The following ZMYM6 variants were observed in gnomAD, a reference collection of about 807,000 sequenced individuals.
The protein encoded by ZMYM6 is zinc finger MYM-type protein 6.
Under a neutral mutation model 134.0 loss-of-function variants are expected in ZMYM6, and 90 were observed. The observed-to-expected ratio is 0.67, with a 90% CI of 0.57 to 0.80. ZMYM6 has a LOEUF of 0.80. Ranked by LOEUF, ZMYM6 falls within the 30% of genes least tolerant of loss-of-function variation. ZMYM6 has a pLI of 0.00. For synonymous variants in ZMYM6, 481 were observed against 524.1 expected, an observed-to-expected ratio of 0.92 and a Z score of 1.12; for missense variants, 1,362 against 1,533.9, an observed-to-expected ratio of 0.89 and a Z score of 1.87.
At chr1:35,010,684 G>C in intron 9 of ZMYM6, 74 bp downstream of exon 9, 1 of 1,540,296 alleles carries the variant, frequency 6.5e-7, no homozygotes, top group Non-Finnish European at 8.7e-7. Flanking sequence ...CAAATTGAGT[G>C]ATCAAAATTG....
intron 14 of ZMYM6, 174 bp downstream of exon 14, chr1:35,003,794 T>C (rs1640919037): frequency 6.9e-6 from 4 of 576,262 alleles, no homozygotes; most frequent in Non-Finnish European, 1.2e-5. Context: ...TGCCGAAATA[T>C]GGTCAAAAGC....
chr1:35,006,115 C>G (rs1640961703), intron 12 of ZMYM6, among the ~76,000 whole-genome samples: 1 of 152,114 alleles, frequency 6.6e-6, no homozygotes, highest in African/African-American at 2.4e-5. Context: ...TCCAGTAATT[C>G]TCGTGCCTCA....
chr1:35,027,396 G>A (rs1490391598), intron 2 of ZMYM6, among the ~76,000 whole-genome samples: 1 of 152,144 alleles, frequency 6.6e-6, no homozygotes, highest in East Asian at 1.9e-4. Context: ...TGTTTTGATG[G>A]GATATGTGAC....
chr1:35,006,785 T>C (rs538621431), intron 12 of ZMYM6, among the ~76,000 whole-genome samples, 166 bp downstream of exon 12: 2 of 152,320 alleles, frequency 1.3e-5, no homozygotes, highest in Admixed American at 1.3e-4. Flanking sequence ...TTAGAATTAC[T>C]TTTCCCTCAA....
chr1:35,009,397 G>A (rs928891985), intron 10 of ZMYM6, among the ~76,000 whole-genome samples: 3 of 152,110 alleles, frequency 2.0e-5, no homozygotes, highest in East Asian at 1.9e-4. Flanking sequence ...GAGCCACTGC[G>A]CCCTGCCACC....
Position 35,010,549 on chromosome 1 carries a change from T to C in ZMYM6, c.1390A>G (p.Lys464Glu), listed in dbSNP as rs754143202. The change falls in exon 10 of 16, where the codon AAG becomes GAG. Residue 464 changes from lysine to glutamate, a missense_variant. Physicochemically the swap from Lys to Glu is moderately conservative, Grantham distance 56 (BLOSUM62 1). Around this residue, in one of 3 missense-constraint regions of ZMYM6, gnomAD observed 35 missense variants for 72.2 expected, o/e 0.48. Transcript: ENST00000357182. ...CACATTGCCACAACTTTATTTTTCT[T>C]CTTGTATTCATCAGAGCAATTCTTG... Reference protein sequence around the residue: ...CGKNCSDEYKKKNKVVAMCDY... With the variant: ...CGKNCSDEYKEKNKVVAMCDY... The C allele has an allele frequency of 1.9e-6, 3 of 1,614,056 alleles. No individual in the cohort carries two copies. Among genetic ancestry groups the C allele is most frequent in the African/African-American group, 2.7e-5 (2 of 75,048 alleles).
intron 12 of ZMYM6, among the ~76,000 whole-genome samples, chr1:35,005,935 G>A (rs1557570516): frequency 1.3e-5 from 2 of 152,226 alleles, no homozygotes; most frequent in Admixed American, 6.5e-5. Flanking sequence ...GGTAGGCAAT[G>A]GCCAGACTGC....
intron 11 of ZMYM6, 39 bp downstream of exon 11, chr1:35,008,713 G>T: frequency 6.3e-7 from 1 of 1,584,544 alleles, no homozygotes; most frequent in South Asian, 1.2e-5. Flanking sequence ...AATTTGCACT[G>T]ATTTCAGAAA....
intron 4 of ZMYM6, among the ~76,000 whole-genome samples, chr1:35,016,839 T>TA (rs906039584): frequency 6.6e-6 from 1 of 150,684 alleles, no homozygotes; most frequent in African/African-American, 2.4e-5. Context: ...CCGATCTCTA[T>TA]AAAAAAAATT....
chr1:35,019,838 A>G (rs1641273493), intron 3 of ZMYM6, among the ~76,000 whole-genome samples: 1 of 151,850 alleles, frequency 6.6e-6, no homozygotes, highest in African/African-American at 2.4e-5. Context: ...ACACCCAGCT[A>G]ATTTTTTTTT....
intron 14 of ZMYM6, among the ~76,000 whole-genome samples, chr1:34,999,852 C>G (rs1640849920): frequency 6.6e-6 from 1 of 151,482 alleles, no homozygotes; most frequent in African/African-American, 2.4e-5. Context: ...TTTGACCTAA[C>G]AATTCTACTC....
intron 14 of ZMYM6, among the ~76,000 whole-genome samples, chr1:35,003,180 CAAAAAAAAAA>C (rs202093628): frequency 3.2e-5 from 2 of 63,058 alleles, no homozygotes; most frequent in South Asian, 5.6e-4. Flanking sequence ...GACCCTGTCT[CAAAAAAAAAA>C]AAAAAAAAAA....
chr1:35,010,954 G>T lies in ZMYM6; in HGVS notation c.1145C>A (p.Ser382Tyr), dbSNP rs1641073971. 1.9e-6 allele frequency: 3 copies of T among 1,613,266 alleles called. No individual in the cohort carries two copies. The highest frequency in any genetic ancestry group is 2.5e-6 in the Non-Finnish European group (3 of 1,179,748). The change falls in exon 9 of 16, where the codon TCC becomes TAC. Residue 382 changes from serine to tyrosine, a missense_variant. This residue lies in a region of ZMYM6 where 503 missense variants were observed against 520.8 expected (regional missense o/e 0.97). Coordinates refer to ENST00000357182, the MANE Select transcript of ZMYM6 (RefSeq NM_007167.4). ...TCCTCCTATTGACACTGCTGACCTG[G>T]AGGAGGGCGGGCTTACAACCACTTG... ...QGQVVVSPPS[S>Y]RSAVSIGGGN...
At chr1:35,007,421 T>C (rs1238575947) in intron 11 of ZMYM6, among the ~76,000 whole-genome samples, 1 of 151,896 alleles carries the variant, frequency 6.6e-6, no homozygotes, top group Non-Finnish European at 1.5e-5. Context: ...AAACCCCGTA[T>C]CTACTAAAGT....
At chr1:34,998,597 A>G (rs1640828309) in intron 14 of ZMYM6, among the ~76,000 whole-genome samples, 1 of 152,208 alleles carries the variant, frequency 6.6e-6, no homozygotes, top group South Asian at 2.1e-4. Flanking sequence ...GATGATGCTC[A>G]GACTAAGGAG....
At chr1:35,002,924 AC>A (rs1281106971) in intron 14 of ZMYM6, among the ~76,000 whole-genome samples, 1 of 152,084 alleles carries the variant, frequency 6.6e-6, no homozygotes, top group East Asian at 1.9e-4. Flanking sequence ...TGTAATCACA[AC>A]AGCTTGGGAG....
chr1:35,020,893 A>G lies in ZMYM6; in HGVS notation c.94-426T>C, dbSNP rs184336054. ...GCCCTATTCATCTCTTAAACAGTCT[A>G]ATCATAAATACCTTCACAAGCACCT... On this transcript the variant is annotated intron_variant, in intron 2 of 15. Coordinates refer to ENST00000357182, the MANE Select transcript of ZMYM6 (RefSeq NM_007167.4). 2.0e-5 allele frequency among the ~76,000 whole-genome samples: 3 copies of G among 152,000 alleles called. No homozygotes were observed. In the East Asian group the frequency reaches 5.8e-4, roughly 30 times the overall value.
rs1189839126 is a variant in ZMYM6 at position 35,014,675 on chromosome 1, T to C, written c.795+22A>G. 3 of 1,606,068 alleles carry C rather than the reference T, an allele frequency of 1.9e-6. No homozygotes were observed. The South Asian group carries it at 3.3e-5, about 18-fold the overall frequency. ...ATCAGAAGGAGTGGGCCTAAGTACA[T>C]GCAACAAATAGATATTCATACCTGC... is the stretch of plus-strand genomic sequence containing the variant. On this transcript the variant is annotated intron_variant, in intron 6 of 15. Coordinates refer to ENST00000357182, the MANE Select transcript of ZMYM6 (RefSeq NM_007167.4).
chr1:35,009,140 C>T (rs1195866323), intron 10 of ZMYM6, among the ~76,000 whole-genome samples: 1 of 152,130 alleles, frequency 6.6e-6, no homozygotes, highest in Non-Finnish European at 1.5e-5. Context: ...CTCGTTTTGC[C>T]CAGGCTGGAG....
Sources: allele counts gnomAD v4.1 joint callset (sites outside exome capture counted in the v4.1 genomes callset), GRCh38; gene constraint gnomAD v4.1.1; regional missense constraint gnomAD v4.1.1; transcripts MANE v1.5; gene names NCBI Gene and HGNC (gene_info 2026-07-23, HGNC 2026-07-21).